The following ZNF667 variants were observed in gnomAD, a reference collection of about 807,000 sequenced individuals.
ZNF667 encodes myocardial ischemic preconditioning upregulated 1 ortholog.
In ZNF667, 13 loss-of-function variants were observed where a neutral mutation model predicts 31.8. That is an observed-to-expected ratio of 0.41 (90% CI 0.27 to 0.65). The LOEUF is 0.65. Ranked by LOEUF, ZNF667 falls within the 30% of genes least tolerant of loss-of-function variation. The pLI is 0.32. For synonymous variants in ZNF667, 228 were observed against 247.1 expected (o/e 0.92, Z 0.73); for missense variants, 642 against 725.6 (o/e 0.88, Z 1.32).
intron 3 of ZNF667, among the ~76,000 whole-genome samples, chr19:56,465,780 G>A (rs1349729364): frequency 3.9e-5 from 6 of 152,218 alleles, no homozygotes; most frequent in Non-Finnish European, 8.8e-5. Context: ...CAGGCTTGAG[G>A]CTGCTCTCCC....
At chr19:56,448,372 TG>T (rs1347368037) in intron 6 of ZNF667, among the ~76,000 whole-genome samples, 1 of 152,146 alleles carries the variant, frequency 6.6e-6, no homozygotes, top group African/African-American at 2.4e-5. Context: ...TAAAACACTC[TG>T]GTGTCCTAAG....
upstream of ZNF667, chr19:56,477,839 G>A (rs1285761456): frequency 6.6e-6 from 1 of 152,340 alleles, no homozygotes; most frequent in Non-Finnish European, 1.5e-5. Flanking sequence ...CCGCCCACCC[G>A]CGCGTGCGCA....
rs1326784837 is a variant in ZNF667 at position 56,439,677 on chromosome 19, C to T, written c.*1485G>A. The T allele has an allele frequency of 2.6e-5, 4 of 152,320 alleles. No homozygotes were observed. Among genetic ancestry groups the T allele is most frequent in the Non-Finnish European group, 5.9e-5 (4 of 68,122 alleles). 9.4% of individuals were successfully genotyped at this position (152,320 alleles called of 1,614,324 possible). ...CAGGCTTTCTGATGTCTTTTTGAGA[C>T]GTAGTCTCGCTCTGTCGCCCAGGGT... On this transcript the variant is annotated 3_prime_UTR_variant, in exon 7 of 7. Transcript: ENST00000504904.
At chr19:56,458,345 G>C in intron 5 of ZNF667, 98 bp from the exon 6 acceptor site, 1 of 976,540 alleles carries the variant, frequency 1.0e-6, no homozygotes, top group East Asian at 2.4e-5. Context: ...TTAGTAGCAT[G>C]AAGGGAGCAC....
intron 6 of ZNF667, among the ~76,000 whole-genome samples, chr19:56,447,930 C>A (rs924745206): frequency 2.6e-5 from 4 of 152,016 alleles, no homozygotes; most frequent in Admixed American, 2.0e-4. Flanking sequence ...AGCCAGATGG[C>A]CAAATAGAGC....
intron 2 of ZNF667, chr19:56,473,210 A>C (rs1009002625): frequency 6.6e-6 from 1 of 152,214 alleles, no homozygotes; most frequent in Non-Finnish European, 1.5e-5. Context: ...GTCTATGTTC[A>C]GTATTTAACT....
At chr19:56,456,466 G>A (rs887536198) in intron 6 of ZNF667, among the ~76,000 whole-genome samples, 2 of 152,130 alleles carry the variant, frequency 1.3e-5, no homozygotes, top group African/African-American at 4.8e-5. Context: ...TTTCACAATT[G>A]TGAGACCTCG....
At position 56,439,830 on chromosome 19, in the gene ZNF667, A is replaced by C. The variant is rs1168312322; in HGVS notation, c.*1332T>G. On this transcript the variant is annotated 3_prime_UTR_variant, in exon 7 of 7. Coordinates refer to ENST00000504904, the MANE Select transcript of ZNF667 (RefSeq NM_001321356.2). ...CCACTGTGCCTGGCTAATTTTTTGT[A>C]TTTTTTTTCAGTGGAGACGGGGTTT... is the stretch of plus-strand genomic sequence containing the variant. The C allele has an allele frequency of 6.6e-6, 1 of 151,672 alleles. No homozygotes were observed. The highest frequency in any genetic ancestry group is 1.5e-5 in the Non-Finnish European group (1 of 68,026). The allele number at this position is 151,672 out of a possible 1,614,324, so 9.4% of individuals were successfully genotyped here.
chr19:56,440,991 GTTAAT>G lies in ZNF667; in HGVS notation c.*166_*170del, dbSNP rs766209305. The G allele has an allele frequency of 8.2e-4, 1,156 of 1,416,308 alleles. 1 individual carries two copies. Among genetic ancestry groups the G allele is most frequent in the Non-Finnish European group, 9.8e-4 (1,071 of 1,089,052 alleles). 87.7% of individuals were successfully genotyped at this position (1,416,308 alleles called of 1,614,324 possible). On this transcript the variant is annotated 3_prime_UTR_variant, in exon 7 of 7. Transcript: ENST00000504904. The stretch of plus-strand genomic sequence containing the variant: ...TGACCAAACTTCTGAGTTTCCTTCA[GTTAAT>G]TTCAAATCCTGAGGTCAAAATCACC...
In ZNF667 at chr19:56,460,721, A is replaced by G. The variant is rs756779803; in HGVS notation, c.128T>C (p.Met43Thr). The change falls in exon 5 of 7, where the codon ATG (methionine) becomes ACG (threonine). Residue 43 changes from methionine (M) to threonine (T), a missense_variant. Physicochemically the swap from Met to Thr is moderately conservative, Grantham distance 81 (BLOSUM62 -1). Coordinates refer to ENST00000504904, the MANE Select transcript of ZNF667 (RefSeq NM_001321356.2). ...PIQKDLYEDV[M>T]LENYRNLVSL... The stretch of plus-strand genomic sequence containing the variant: ...GACCAGGTTCCGGTAATTCTCCAAC[A>G]TGACATCTTCATACAAATCCTTCTG... 9.3e-6 allele frequency: 15 copies of G among 1,612,312 alleles called. No individual in the cohort carries two copies. The South Asian group carries it at 1.4e-4, about 15-fold the overall frequency.
chr19:56,461,882 G>A lies in ZNF667; in HGVS notation c.33+456C>T, dbSNP rs533645590. ...TTTTAGTCTTGGGACCTTAGTTAAA[G>A]AGATTTCCTCCATGTAAATATGGGT... On this transcript the variant is annotated intron_variant, in intron 4 of 6. Coordinates refer to ENST00000504904, the MANE Select transcript of ZNF667 (RefSeq NM_001321356.2). Among the ~76,000 whole-genome samples the A allele has an allele frequency of 9.2e-5, 14 of 152,324 alleles. No individual in the cohort carries two copies. The South Asian group carries it at 2.1e-3, about 23-fold the overall frequency.
Position 56,441,691 on chromosome 19 carries a change from T to C in ZNF667, c.1304A>G (p.Asn435Ser), listed in dbSNP as rs200788584. The C allele has an allele frequency of 1.4e-5, 22 of 1,614,076 alleles. No homozygotes were observed. The highest frequency in any genetic ancestry group is 1.8e-5 in the Non-Finnish European group (21 of 1,180,046). Residue 435 changes from asparagine (N) to serine (S), a missense_variant, in exon 7 of 7, where the codon AAT becomes AGT. By Grantham distance (46) the Asn-to-Ser change is conservative. Transcript: ENST00000504904. This position sits in a 1 kb window ranked among gnomAD's most constrained non-coding sequence, Gnocchi z 4.2. ...GAAAGGTTTCTCTTCAGAATGAATA[T>C]TCTGATGTATTTTAAGGTTTGCAGT... is the stretch of plus-strand genomic sequence containing the variant. ...SGTANLKIHQNIHSEEKPFKC... is the reference protein window; with the variant it reads ...SGTANLKIHQSIHSEEKPFKC...
chr19:56,460,638 G>A (rs200087561), intron 5 of ZNF667, 51 bp downstream of exon 5: 338 of 1,568,794 alleles, frequency 2.2e-4, no homozygotes, highest in Admixed American at 4.2e-4. Context: ...CCAGAGTGAT[G>A]CATGTCCCTC....
Position 56,442,267 on chromosome 19 carries a change from T to G in ZNF667, c.728A>C (p.His243Pro). ...ALSQCQSFNI[H>P]QKIHVVGNVC... is the part of the protein sequence containing the mutation. ...ATTCCCAACAACATGAATTTTCTGA[T>G]GTATATTGAAAGACTGACATTGACT... is the stretch of plus-strand genomic sequence containing the variant. The change falls in exon 7 of 7, where the codon CAT becomes CCT. Residue 243 changes from histidine to proline, a missense_variant. By Grantham distance (77) the His-to-Pro change is moderately conservative. Transcript: ENST00000504904. 1 of 1,614,204 alleles carries G rather than the reference T, an allele frequency of 6.2e-7. No individual in the cohort carries two copies. Among genetic ancestry groups the G allele is most frequent in the South Asian group, 1.1e-5 (1 of 91,084 alleles).
chr19:56,455,434 T>C (rs1568444730), intron 6 of ZNF667, among the ~76,000 whole-genome samples: 1 of 152,300 alleles, frequency 6.6e-6, no homozygotes, highest in East Asian at 1.9e-4. Context: ...TGCAGTAGTA[T>C]TTAGCCATAA....
intron 5 of ZNF667, 25 bp downstream of exon 5, chr19:56,460,664 G>T: frequency 5.6e-6 from 9 of 1,605,468 alleles, no homozygotes; most frequent in Non-Finnish European, 6.8e-6. Flanking sequence ...GCTGGTTCTG[G>T]ATTGTGGGGG....
At chr19:56,476,229 C>CT (rs2043403636) in intron 1 of ZNF667, among the ~76,000 whole-genome samples, 1 of 152,154 alleles carries the variant, frequency 6.6e-6, no homozygotes, top group South Asian at 2.1e-4. Context: ...TTTTTCCAAG[C>CT]TACCTTGGTA....
rs1442933186 is a variant in ZNF667, at chr19:56,451,888, A to AC, written c.253+6266_253+6267insG. ...TGTCTCAAAAAAAAAAAAAAAAAAA[A>AC]AAAAAAAAAAACTTTCAAATTGAAA... is the stretch of plus-strand genomic sequence containing the variant. On this transcript the variant is annotated intron_variant, in intron 6 of 6. Transcript: ENST00000504904. Among the ~76,000 whole-genome samples the AC allele has an allele frequency of 7.0e-4, 73 of 104,338 alleles. 1 individual carries two copies. The highest frequency in any genetic ancestry group is 2.4e-3 in the African/African-American group (72 of 29,872). 68.4% of individuals were successfully genotyped at this position (104,338 alleles called of 152,430 possible). A position where few individuals can be genotyped will look rare whatever the true frequency, so the allele number is the denominator to read the frequency against.
At chr19:56,475,516 T>G (rs1427341199) in intron 1 of ZNF667, 1 of 152,240 alleles carries the variant, frequency 6.6e-6, no homozygotes, top group African/African-American at 2.4e-5. Flanking sequence ...GGAGACATTT[T>G]TTTTTCGCTT....
Sources: gnomAD v4.1 joint callset for allele counts (sites outside exome capture counted in the v4.1 genomes callset) on GRCh38, gnomAD v4.1.1 for gene constraint, Gnocchi (gnomAD v3.1) non-coding constraint, MANE v1.5 for transcripts, NCBI Gene and HGNC (gene_info 2026-07-23, HGNC 2026-07-21) for gene names.